The following NBPF11 variants were observed in gnomAD, a reference collection of about 807,000 sequenced individuals.
The protein encoded by NBPF11 is NBPF family member NBPF11.
NBPF11 carries 72 observed loss-of-function variants against 93.9 expected under a neutral mutation model. The observed-to-expected ratio is 0.77, with a 90% CI of 0.63 to 0.93. The LOEUF is 0.93. Ranked by LOEUF, NBPF11 falls within the 40% of genes least tolerant of loss-of-function variation. NBPF11 has a pLI of 0.00. For missense variants in NBPF11, 705 were observed against 802.2 expected (o/e 0.88, Z 1.46); for synonymous variants, 224 against 304.9 (o/e 0.73, Z 2.76).
rs1353862147 is a variant in NBPF11, at chr1:148,122,871, C to G, written c.494-70G>C. 4 of 1,606,304 alleles carry G rather than the reference C, an allele frequency of 2.5e-6. No individual in the cohort carries two copies. In the Admixed American group the frequency reaches 6.7e-5, roughly 27 times the overall value. ...CTGCAAGCACAGTCAGCCCAACGTG[C>G]ACAGAGACATGAATATCTATGTATG... On this transcript the variant is annotated intron_variant, in intron 7 of 23. Transcript: ENST00000682118.
intron 12 of NBPF11, among the ~76,000 whole-genome samples, chr1:148,116,756 T>C (rs1292323175): frequency 6.6e-6 from 1 of 151,932 alleles, no homozygotes; most frequent in African/African-American, 2.4e-5. Context: ...GGCCAAATAT[T>C]GAAAAGACCT....
intron 9 of NBPF11, among the ~76,000 whole-genome samples, chr1:148,120,973 T>A (rs1301394258): frequency 6.6e-6 from 1 of 152,074 alleles, no homozygotes; most frequent in Non-Finnish European, 1.5e-5. Flanking sequence ...GAGATTTTTA[T>A]CCCATGAGTG....
chr1:148,142,894 C>G (rs1236580028), intron 2 of NBPF11, among the ~76,000 whole-genome samples: 3 of 152,234 alleles, frequency 2.0e-5, no homozygotes, highest in Non-Finnish European at 2.9e-5. Context: ...CTCTTTTAAC[C>G]CATTATACTG....
intron 1 of NBPF11, chr1:148,149,635 C>T: frequency 7.1e-7 from 1 of 1,411,704 alleles, no homozygotes; most frequent in Non-Finnish European, 9.6e-7. Context: ...CCGGCCCCCA[C>T]CCAGGGGCTG....
chr1:148,143,109 A>C, intron 2 of NBPF11, among the ~76,000 whole-genome samples: 2 of 138,698 alleles, frequency 1.4e-5, no homozygotes, highest in Non-Finnish European at 1.6e-5. Context: ...GGGGCAGAGA[A>C]TGGGGGGTGA....
intron 17 of NBPF11, among the ~76,000 whole-genome samples, chr1:148,109,024 G>T (rs1664585323): frequency 6.6e-6 from 1 of 151,426 alleles, no homozygotes; most frequent in Admixed American, 6.6e-5. Flanking sequence ...CATAAAATGT[G>T]CTCAAGTTTC....
intron 18 of NBPF11, among the ~76,000 whole-genome samples, chr1:148,108,253 T>A: frequency 6.6e-6 from 1 of 151,576 alleles, no homozygotes; most frequent in East Asian, 1.9e-4. Flanking sequence ...GAGAGTAGGA[T>A]TAGGGTGCCA....
At chr1:148,136,159 A>G (rs1414075633) in intron 3 of NBPF11, among the ~76,000 whole-genome samples, 3 of 151,966 alleles carry the variant, frequency 2.0e-5, no homozygotes, top group African/African-American at 7.3e-5. Flanking sequence ...TTGGGAAAAA[A>G]CGTCTGGCAT....
chr1:148,138,313 T>C (rs1169735895), intron 2 of NBPF11, among the ~76,000 whole-genome samples: 12 of 151,338 alleles, frequency 7.9e-5, no homozygotes, highest in South Asian at 2.1e-4. Flanking sequence ...AGGAGACAGA[T>C]GCCTTCCTCT....
Position 148,105,721 on chromosome 1 carries a change from G to GACACACACACAC in NBPF11, c.2304-205_2304-194dup, listed in dbSNP as rs781939834. Reference sequence around the variant, plus strand: ...TGGAAAAGAATGAAAGAGAAAGACAGACACACACACACACACACACACACA... The same window carrying GACACACACACAC: ...TGGAAAAGAATGAAAGAGAAAGACAGACACACACACACACACACACACACACACACACACACA... On this transcript the variant is annotated intron_variant, in intron 21 of 23. Transcript: ENST00000682118. Among the ~76,000 whole-genome samples the GACACACACACAC allele has an allele frequency of 7.8e-3, 744 of 95,674 alleles. 6 individuals carry two copies. Among genetic ancestry groups the GACACACACACAC allele is most frequent in the African/African-American group, 0.016 (289 of 17,888 alleles). 62.8% of individuals were successfully genotyped at this position (95,674 alleles called of 152,430 possible). A position where few individuals can be genotyped will look rare whatever the true frequency, so the allele number is the denominator to read the frequency against.
At chr1:148,132,692 T>TACTG (rs1670610640) in intron 4 of NBPF11, among the ~76,000 whole-genome samples, 1 of 143,978 alleles carries the variant, frequency 6.9e-6, no homozygotes, top group Non-Finnish European at 1.5e-5. Flanking sequence ...GTTTTTGGTG[T>TACTG]ACTGGCCTTA....
rs1647521471 is a variant in NBPF11, at chr1:148,149,069, G to A, written c.-549+2681C>T. On this transcript the variant is annotated intron_variant, in intron 1 of 23. Transcript: ENST00000682118. ...CTTGGCTGAGTGGGGAGACTGGAGG[G>A]TCGCATCCGGAGCTGGGCCCGGGGA... is the stretch of plus-strand genomic sequence containing the variant. 4.6e-6 allele frequency: 5 copies of A among 1,097,582 alleles called. 1 individual carries two copies. The highest frequency in any genetic ancestry group is 6.4e-6 in the Non-Finnish European group (5 of 775,278). 68.0% of individuals were successfully genotyped at this position (1,097,582 alleles called of 1,614,324 possible). A position where few individuals can be genotyped will look rare whatever the true frequency, so the allele number is the denominator to read the frequency against.
At chr1:148,132,155 T>C (rs1399099526) in intron 4 of NBPF11, among the ~76,000 whole-genome samples, 1 of 150,342 alleles carries the variant, frequency 6.7e-6, no homozygotes, top group South Asian at 2.1e-4. Flanking sequence ...TATATATATA[T>C]ATATATATTC....
At chr1:148,138,427 A>T (rs1671688802) in intron 2 of NBPF11, among the ~76,000 whole-genome samples, 2 of 151,672 alleles carry the variant, frequency 1.3e-5, no homozygotes. Flanking sequence ...TTCCCTTCCC[A>T]TGAGGCTGTA....
intron 4 of NBPF11, among the ~76,000 whole-genome samples, chr1:148,132,144 G>GTATATA (rs1302793020): frequency 6.5e-4 from 89 of 137,608 alleles, no homozygotes; most frequent in African/African-American, 2.2e-3. Flanking sequence ...GTGTGTGTGT[G>GTATATA]TATATATATA....
chr1:148,132,943 G>A (rs1670664767), intron 4 of NBPF11, among the ~76,000 whole-genome samples: 1 of 144,112 alleles, frequency 6.9e-6, no homozygotes, highest in Non-Finnish European at 1.5e-5. Flanking sequence ...GTAGAGATGG[G>A]GTTTCACTGT....
rs1176271182 is a variant in NBPF11 at position 148,102,296 on chromosome 1, G to T, written c.*1600C>A. On this transcript the variant is annotated 3_prime_UTR_variant, in exon 24 of 24. Coordinates refer to ENST00000682118, the MANE Select transcript of NBPF11 (RefSeq NM_001385469.3). ...TAAAAATTGAGACCCAAAATTTGCA[G>T]CGTAGAGATATGAATATAATAATAG... 2 of 151,862 alleles carry T rather than the reference G, an allele frequency of 1.3e-5. No individual in the cohort carries two copies. The highest frequency in any genetic ancestry group is 4.9e-5 in the African/African-American group (2 of 41,136). 9.4% of individuals were successfully genotyped at this position (151,862 alleles called of 1,614,324 possible).
Position 148,122,748 on chromosome 1 carries a change from G to A in NBPF11, c.547C>T (p.Leu183=). 6.2e-7 allele frequency: 1 copy of A among 1,609,592 alleles called. No individual in the cohort carries two copies. The highest frequency in any genetic ancestry group is 8.5e-7 in the Non-Finnish European group (1 of 1,177,100). Residue 183 remains leucine (L), a synonymous_variant, in exon 8 of 24, where the codon CTG becomes TTG. Coordinates refer to ENST00000682118, the MANE Select transcript of NBPF11 (RefSeq NM_001385469.3). ...TGTTACCTGGGGGCAGATGATTCCA[G>A]TACTTTCTCATCCTCCTCAACTTGA... ...DVQVEEDEKV[L]ESSAPREVQK... is the part of the protein sequence containing the mutation.
At chr1:148,120,190 G>A (rs1161519538) in intron 10 of NBPF11, among the ~76,000 whole-genome samples, 1 of 151,922 alleles carries the variant, frequency 6.6e-6, no homozygotes, top group Non-Finnish European at 1.5e-5. Flanking sequence ...GATCTTATGT[G>A]GTACAGAGAG....
Sources: allele counts gnomAD v4.1 joint callset (sites outside exome capture counted in the v4.1 genomes callset), GRCh38; gene constraint gnomAD v4.1.1; transcripts MANE v1.5; gene names NCBI Gene and HGNC (gene_info 2026-07-23, HGNC 2026-07-21).